RWDD1: variants seen among roughly 807,000 people sequenced by gnomAD.
RWDD1 encodes the protein RWD domain-containing protein 1.
A neutral mutation model predicts 31.6 loss-of-function variants in RWDD1; 17 were observed. The observed-to-expected ratio is 0.54, with a 90% confidence interval of 0.37 to 0.81. The LOEUF is 0.81. Among genes scored for constraint, RWDD1 ranks in the 30% least tolerant of loss-of-function variants. The pLI is 0.00. For synonymous variants in RWDD1, 78 were observed against 94.2 expected (o/e 0.83, Z 0.99); for missense variants, 204 against 274.5 (o/e 0.74, Z 1.82).
At position 116,575,942 on chromosome 6, in the gene RWDD1, G is replaced by A. The variant is rs1014971878; in HGVS notation, c.73+4287G>A. Among the ~76,000 whole-genome samples the A allele has an allele frequency of 2.0e-5, 3 of 152,324 alleles. No individual in the cohort carries two copies. The East Asian group carries it at 5.8e-4, about 29-fold the overall frequency. ...ATATCTACTTCCATCTTTTTAGTGG[G>A]AACTTAGTCATTTGGTGAGAGCTAG... is the stretch of plus-strand genomic sequence containing the variant. On this transcript the variant is annotated intron_variant, in intron 1 of 6. Transcript: ENST00000466444.
intron 2 of RWDD1, among the ~76,000 whole-genome samples, chr6:116,581,145 T>G (rs1347876052): frequency 6.6e-6 from 1 of 152,102 alleles, no homozygotes; most frequent in Non-Finnish European, 1.5e-5. Flanking sequence ...AAAAGGATAT[T>G]GAATACATTT....
chr6:116,584,690 T>TG (rs749253769), intron 2 of RWDD1, 37 bp from the exon 3 acceptor site: 2 of 1,583,072 alleles, frequency 1.3e-6, no homozygotes, highest in Admixed American at 3.4e-5. Context: ...TCTTTACTTT[T>TG]AAGGTATTCA....
intron 1 of RWDD1, among the ~76,000 whole-genome samples, chr6:116,575,787 A>T (rs1052155258): frequency 3.9e-5 from 6 of 152,226 alleles, no homozygotes; most frequent in Non-Finnish European, 8.8e-5. Context: ...CCTAAGATGT[A>T]GTCTTACACT....
In RWDD1 at chr6:116,596,644, A is replaced by G. The variant is rs1775243166; in HGVS notation, c.*3543A>G. ...TTCAACTTTTGACAACCTTATATTC[A>G]TTGACACCATGGACAGCACAGTAAA... is the stretch of plus-strand genomic sequence containing the variant. On this transcript the variant is annotated 3_prime_UTR_variant, in exon 7 of 7. Coordinates refer to ENST00000466444, the MANE Select transcript of RWDD1 (RefSeq NM_015952.4). 6.6e-6 allele frequency: 1 copy of G among 152,152 alleles called. No individual in the cohort carries two copies. Among genetic ancestry groups the G allele is most frequent in the Non-Finnish European group, 1.5e-5 (1 of 68,026 alleles). 9.4% of individuals were successfully genotyped at this position (152,152 alleles called of 1,614,324 possible).
chr6:116,571,689 C>G lies in RWDD1; in HGVS notation c.73+34C>G, dbSNP rs762679466. On this transcript the variant is annotated intron_variant, in intron 1 of 6. Transcript: ENST00000466444. Reference sequence around the variant, plus strand: ...CGCGGCCGCAAGCCTGTAGCCGCCCCGAGGTGGAGTAGGACGGGCAGGAGC... The same window carrying G: ...CGCGGCCGCAAGCCTGTAGCCGCCCGGAGGTGGAGTAGGACGGGCAGGAGC... The G allele has an allele frequency of 5.0e-6, 8 of 1,595,038 alleles. No individual in the cohort carries two copies. In the East Asian group the frequency reaches 6.8e-5, roughly 14 times the overall value.
Position 116,594,351 on chromosome 6 carries a change from A to G in RWDD1, c.*1250A>G, listed in dbSNP as rs1051927046. The G allele has an allele frequency of 3.3e-5, 5 of 152,132 alleles. No individual in the cohort carries two copies. The highest frequency in any genetic ancestry group is 1.2e-4 in the African/African-American group (5 of 41,416). 9.4% of individuals were successfully genotyped at this position (152,132 alleles called of 1,614,324 possible). On this transcript the variant is annotated 3_prime_UTR_variant, in exon 7 of 7. Coordinates refer to ENST00000466444, the MANE Select transcript of RWDD1 (RefSeq NM_015952.4). Reference sequence around the variant, plus strand: ...AAATTAGAATTTAAATTAAAATTTAAATTACAGTATTTAAATTAGAATCAT... The same window carrying G: ...AAATTAGAATTTAAATTAAAATTTAGATTACAGTATTTAAATTAGAATCAT...
chr6:116,572,734 G>A (rs190252608), intron 1 of RWDD1: 847 of 385,450 alleles, frequency 2.2e-3, no homozygotes, highest in Non-Finnish European at 2.8e-3. Context: ...TATAGTGTAA[G>A]GTATATTACT....
intron 2 of RWDD1, among the ~76,000 whole-genome samples, chr6:116,582,343 TA>T (rs1179764973): frequency 1.3e-5 from 2 of 151,920 alleles, no homozygotes; most frequent in African/African-American, 4.8e-5. Flanking sequence ...TTATTTACAC[TA>T]AGTGTTAAAG....
rs1312114015 is a variant in RWDD1, at chr6:116,595,714, AAATT to A, written c.*2618_*2621del. 6.6e-6 allele frequency: 1 copy of A among 152,200 alleles called. No homozygotes were observed. The highest frequency in any genetic ancestry group is 1.5e-5 in the Non-Finnish European group (1 of 68,036). 9.4% of individuals were successfully genotyped at this position (152,200 alleles called of 1,614,324 possible). A position where few individuals can be genotyped will look rare whatever the true frequency, so the allele number is the denominator to read the frequency against. ...TGAATGAATTATAGAATAGAGTGCA[AAATT>A]AATTCTAATGTATTTTAAAGTAAAG... is the stretch of plus-strand genomic sequence containing the variant. On this transcript the variant is annotated 3_prime_UTR_variant, in exon 7 of 7. Coordinates refer to ENST00000466444, the MANE Select transcript of RWDD1 (RefSeq NM_015952.4).
rs1033783773 is a variant in RWDD1, at chr6:116,580,318, T to C, written c.97T>C (p.Phe33Leu). ...FTVLSENPPS[F>L]TITVTSEAGE... The stretch of plus-strand genomic sequence containing the variant: ...AGTATTATCAGAAAATCCACCCAGC[T>C]TCACCATTACTGTGACGTCTGAGGC... The change falls in exon 2 of 7, where the codon TTC (phenylalanine) becomes CTC (leucine). Residue 33 changes from phenylalanine (F) to leucine (L), a missense_variant. Phe to Leu is a conservative substitution (Grantham distance 22, BLOSUM62 0). Coordinates refer to ENST00000466444, the MANE Select transcript of RWDD1 (RefSeq NM_015952.4). 3 of 1,600,716 alleles carry C rather than the reference T, an allele frequency of 1.9e-6. No homozygotes were observed. Among genetic ancestry groups the C allele is most frequent in the Non-Finnish European group, 2.6e-6 (3 of 1,171,680 alleles).
Position 116,584,835 on chromosome 6 carries a change from T to G in RWDD1, c.248T>G (p.Ile83Ser). ...CTAGAAGATAATGATGTCTCAGACA[T>G]TTTAAAATTACTAGCATTACAGGTA... ...ENLEDNDVSD[I>S]LKLLALQAEE... Residue 83 changes from isoleucine (I) to serine (S), a missense_variant, in exon 3 of 7, where the codon ATT becomes AGT. By Grantham distance (142) the Ile-to-Ser change is moderately radical. Coordinates refer to ENST00000466444, the MANE Select transcript of RWDD1 (RefSeq NM_015952.4). The G allele has an allele frequency of 6.3e-7, 1 of 1,590,734 alleles. No individual in the cohort carries two copies. The highest frequency in any genetic ancestry group is 8.6e-7 in the Non-Finnish European group (1 of 1,159,044).
In RWDD1 at chr6:116,572,670, T is replaced by C. The variant is rs1171070911; in HGVS notation, c.73+1015T>C. 3.9e-5 allele frequency among the ~76,000 whole-genome samples: 6 copies of C among 152,330 alleles called. No individual in the cohort carries two copies. In the East Asian group the frequency reaches 1.2e-3, roughly 29 times the overall value. Reference sequence around the variant, plus strand: ...AGTGAGTAGAACCTAGGTGTGTGCATTTACATTCCCCATCCTTTCCTTTGA... The same window carrying C: ...AGTGAGTAGAACCTAGGTGTGTGCACTTACATTCCCCATCCTTTCCTTTGA... On this transcript the variant is annotated intron_variant, in intron 1 of 6. Transcript: ENST00000466444.
rs571082926 is a variant in RWDD1, at chr6:116,596,032, G to A, written c.*2931G>A. ...CCAAGAAGCAAAGAGATGCACTCTT[G>A]TATTCCAGAAAGAAGATGATTTGTA... On this transcript the variant is annotated 3_prime_UTR_variant, in exon 7 of 7. Coordinates refer to ENST00000466444, the MANE Select transcript of RWDD1 (RefSeq NM_015952.4). The A allele has an allele frequency of 1.8e-4, 28 of 152,324 alleles. No individual in the cohort carries two copies. The highest frequency in any genetic ancestry group is 6.7e-4 in the African/African-American group (28 of 41,572). The allele number at this position is 152,324 out of a possible 1,614,324, so 9.4% of individuals were successfully genotyped here.
At chr6:116,573,306 A>G (rs1256215365) in intron 1 of RWDD1, among the ~76,000 whole-genome samples, 1 of 152,186 alleles carries the variant, frequency 6.6e-6, no homozygotes, top group Non-Finnish European at 1.5e-5. Flanking sequence ...CAGCTCTGGT[A>G]TAGTTCGCTA....
intron 1 of RWDD1, among the ~76,000 whole-genome samples, chr6:116,575,177 C>G (rs1774817089): frequency 6.6e-6 from 1 of 152,078 alleles, no homozygotes; most frequent in Non-Finnish European, 1.5e-5. Context: ...ACCACCACCT[C>G]CCAGGTTCAA....
chr6:116,573,522 T>C (rs139692093), intron 1 of RWDD1, among the ~76,000 whole-genome samples: 1 of 152,364 alleles, frequency 6.6e-6, no homozygotes, highest in African/African-American at 2.4e-5. Context: ...GAACTTTGCC[T>C]TCCTAGTGAT....
Position 116,588,903 on chromosome 6 carries a change from TAAATG to T in RWDD1, c.337_341del (p.Glu113SerfsTer7), listed in dbSNP as rs1278727722. On this transcript the variant is annotated frameshift_variant, in exon 4 of 7. Transcript: ENST00000466444. LOFTEE classifies it high-confidence loss of function. ...CTAGTGACAGCTGTGCAAGAAAAAT[TAAATG>T]AAATAGTAGATCAGATAAAAACTAG... 2.6e-6 allele frequency: 4 copies of T among 1,509,582 alleles called. No individual in the cohort carries two copies. The highest frequency in any genetic ancestry group is 3.5e-6 in the Non-Finnish European group (4 of 1,132,616). The allele number at this position is 1,509,582 out of a possible 1,614,324, so 93.5% of individuals were successfully genotyped here. A position where few individuals can be genotyped will look rare whatever the true frequency, so the allele number is the denominator to read the frequency against.
chr6:116,573,492 CT>C (rs1774784182), intron 1 of RWDD1, among the ~76,000 whole-genome samples: 1 of 152,150 alleles, frequency 6.6e-6, no homozygotes, highest in Non-Finnish European at 1.5e-5. Flanking sequence ...AATGAGGTGT[CT>C]TTATTTATAG....
At chr6:116,588,802 T>G in intron 3 of RWDD1, 40 bp from the exon 4 acceptor site, 6 of 1,456,946 alleles carry the variant, frequency 4.1e-6, no homozygotes, top group Non-Finnish European at 5.4e-6. Flanking sequence ...ACTTTTATTT[T>G]TCTGAGAGTT....
Sources: allele counts gnomAD v4.1 joint callset (sites outside exome capture counted in the v4.1 genomes callset), GRCh38; gene constraint gnomAD v4.1.1; transcripts MANE v1.5; gene names NCBI Gene and HGNC (gene_info 2026-07-23, HGNC 2026-07-21).